The following NRXN3 variants were observed in gnomAD, a reference collection of about 807,000 sequenced individuals.
NRXN3 encodes neurexin III.
NRXN3 carries 32 observed loss-of-function variants against 137.6 expected under a neutral mutation model. The observed-to-expected ratio is 0.23, with a 90% CI of 0.18 to 0.31. The LOEUF (loss-of-function observed/expected upper bound fraction) is 0.31. Among genes scored for constraint, NRXN3 ranks in the 10% least tolerant of loss-of-function variants. The pLI is 1.00. For missense variants in NRXN3, 1,574 were observed against 2,062.5 expected (o/e 0.76, Z 4.59); for synonymous variants, 798 against 784.5 (o/e 1.02, Z -0.29).
intron 10 of NRXN3, among the ~76,000 whole-genome samples, chr14:78,876,491 A>T (rs1274166252): frequency 6.6e-6 from 1 of 152,200 alleles, no homozygotes; most frequent in Admixed American, 6.5e-5. Context: ...AGTGTATTGT[A>T]ATTATATGTG....
intron 10 of NRXN3, among the ~76,000 whole-genome samples, chr14:78,869,307 C>A (rs2099095610): frequency 6.6e-6 from 1 of 152,162 alleles, no homozygotes; most frequent in South Asian, 2.1e-4. Flanking sequence ...TGAGCTCTTA[C>A]TATCTTTACT....
chr14:78,393,498 A>T (rs1241666557), intron 4 of NRXN3, among the ~76,000 whole-genome samples: 1 of 151,998 alleles, frequency 6.6e-6, no homozygotes, highest in Admixed American at 6.6e-5. Flanking sequence ...AGTACTCTGA[A>T]GTATTTATTA....
intron 15 of NRXN3, among the ~76,000 whole-genome samples, chr14:79,286,027 G>C (rs995438731): frequency 6.6e-6 from 1 of 152,134 alleles, no homozygotes; most frequent in Admixed American, 6.5e-5. Flanking sequence ...GTAATGTTGT[G>C]TTTACAGATA....
At chr14:78,633,034 G>C (rs191619219) in intron 4 of NRXN3, among the ~76,000 whole-genome samples, 152 of 151,888 alleles carry the variant, frequency 1.0e-3, no homozygotes, top group African/African-American at 3.5e-3. Flanking sequence ...AGGAGATTGA[G>C]ACCATCCTGG....
intron 10 of NRXN3, among the ~76,000 whole-genome samples, chr14:78,938,254 C>T (rs976157638): frequency 6.6e-6 from 1 of 152,254 alleles, no homozygotes; most frequent in Non-Finnish European, 1.5e-5. Flanking sequence ...CAAGGTCACA[C>T]AGCTAGTACC....
intron 10 of NRXN3, among the ~76,000 whole-genome samples, chr14:78,873,969 T>A (rs2099107499): frequency 7.2e-6 from 1 of 138,546 alleles, no homozygotes; most frequent in Non-Finnish European, 1.5e-5. Context: ...GTGATTTTCT[T>A]TTCTTTCTTT....
chr14:79,786,713 T>A (rs1311985834), intron 19 of NRXN3, among the ~76,000 whole-genome samples: 1 of 152,240 alleles, frequency 6.6e-6, no homozygotes, highest in Non-Finnish European at 1.5e-5. Context: ...ATAAACTCTG[T>A]TAACTGCCCA....
chr14:78,825,811 G>T (rs1396574037), intron 10 of NRXN3, among the ~76,000 whole-genome samples: 1 of 152,212 alleles, frequency 6.6e-6, no homozygotes, highest in Non-Finnish European at 1.5e-5. Context: ...GTGACAGCTG[G>T]TTTAGCATCT....
At position 78,917,371 on chromosome 14, in the gene NRXN3, C is replaced by A. The variant is rs2099258267; in HGVS notation, c.2276-39871C>A. ...TAACTATTGGATACTAGGGTTATTA[C>A]CTTGGTGATTAACTGATCTGTGCAA... On this transcript the variant is annotated intron_variant, in intron 10 of 20. Transcript: ENST00000335750. Among the ~76,000 whole-genome samples, 3 of 152,234 alleles carry A rather than the reference C, an allele frequency of 2.0e-5. No individual in the cohort carries two copies. The South Asian group carries it at 6.2e-4, about 32-fold the overall frequency.
chr14:79,453,556 G>T (rs1373412644), intron 15 of NRXN3, among the ~76,000 whole-genome samples: 4 of 152,098 alleles, frequency 2.6e-5, no homozygotes, highest in Non-Finnish European at 1.5e-5. Context: ...TTAAGTACTT[G>T]GAAAATAGCT....
At chr14:79,092,942 G>T (rs1398902973) in intron 15 of NRXN3, among the ~76,000 whole-genome samples, 1 of 152,174 alleles carries the variant, frequency 6.6e-6, no homozygotes, top group Non-Finnish European at 1.5e-5. Flanking sequence ...GCTGGGCTTT[G>T]CAGATCCTAG....
chr14:78,624,707 C>T (rs61976100), intron 4 of NRXN3, among the ~76,000 whole-genome samples: 1 of 152,148 alleles, frequency 6.6e-6, no homozygotes, highest in African/African-American at 2.4e-5. Context: ...GGGGAAGAGA[C>T]CTCGCCTGGG....
intron 15 of NRXN3, among the ~76,000 whole-genome samples, chr14:79,047,732 T>C (rs1459604539): frequency 6.6e-6 from 1 of 152,176 alleles, no homozygotes; most frequent in African/African-American, 2.4e-5. Flanking sequence ...CACAGTGATG[T>C]ATCATTTTAT....
chr14:79,215,923 T>C (rs1404466995), intron 15 of NRXN3, among the ~76,000 whole-genome samples: 1 of 152,214 alleles, frequency 6.6e-6, no homozygotes, highest in Non-Finnish European at 1.5e-5. Context: ...GAGATTATTC[T>C]GGTTATCCAT....
intron 15 of NRXN3, among the ~76,000 whole-genome samples, chr14:79,085,971 CT>C (rs1205521386): frequency 2.0e-5 from 3 of 152,182 alleles, no homozygotes; most frequent in Non-Finnish European, 4.4e-5. Flanking sequence ...GTTCTCATCT[CT>C]CATTTGAGCT....
chr14:79,496,748 G>A (rs1003409793), intron 16 of NRXN3, among the ~76,000 whole-genome samples: 4 of 152,182 alleles, frequency 2.6e-5, no homozygotes, highest in Non-Finnish European at 4.4e-5. Flanking sequence ...GTGGCTCCAC[G>A]TAGAATTCAG....
At chr14:79,784,157 C>T (rs922134898) in intron 19 of NRXN3, among the ~76,000 whole-genome samples, 1 of 152,134 alleles carries the variant, frequency 6.6e-6, no homozygotes, top group Admixed American at 6.5e-5. Context: ...CCAGCCTTAG[C>T]TCTAATAAAA....
At chr14:78,784,855 G>T (rs2098783702) in intron 8 of NRXN3, among the ~76,000 whole-genome samples, 1 of 152,122 alleles carries the variant, frequency 6.6e-6, no homozygotes. Flanking sequence ...GAACATTTTA[G>T]ACAAAAGGAG....
Position 78,709,259 on chromosome 14 carries a change from C to A in NRXN3, c.1264C>A (p.Leu422Met). ...NNDIRLELSRLARIADTKMKI... is the reference protein window; with the variant it reads ...NNDIRLELSRMARIADTKMKI... ...TGACATCCGTCTGGAGCTGTCTCGC[C>A]TGGCCCGGATTGCGGACACCAAGAT... Residue 422 changes from leucine to methionine, a missense_variant, in exon 7 of 21, where the codon CTG (leucine) becomes ATG (methionine). Physicochemically the swap from Leu to Met is conservative, Grantham distance 15. Around this residue, in one of 5 missense-constraint regions of NRXN3, gnomAD observed 718 missense variants for 887.6 expected, o/e 0.81. Transcript: ENST00000335750. 1 of 1,614,086 alleles carries A rather than the reference C, an allele frequency of 6.2e-7. No individual in the cohort carries two copies. Among genetic ancestry groups the A allele is most frequent in the Non-Finnish European group, 8.5e-7 (1 of 1,179,994 alleles).
Sources: allele counts gnomAD v4.1 joint callset (sites outside exome capture counted in the v4.1 genomes callset), GRCh38; gene constraint gnomAD v4.1.1; regional missense constraint gnomAD v4.1.1; transcripts MANE v1.5; gene names NCBI Gene and HGNC (gene_info 2026-07-23, HGNC 2026-07-21).